The following TRAM2 variants were observed in gnomAD, a reference collection of about 807,000 sequenced individuals.
The protein encoded by TRAM2 is translocation associated membrane protein 2.
Under a neutral mutation model 51.0 loss-of-function variants are expected in TRAM2, and 12 were observed. The ratio of observed to expected loss-of-function variants is 0.24; its 90% CI spans 0.15 to 0.38. TRAM2 has a LOEUF of 0.38. TRAM2 is among the 10% of genes least tolerant of loss of function. The pLI is 1.00. For missense variants in TRAM2, 361 were observed against 462.0 expected (o/e 0.78, Z 2.00); for synonymous variants, 175 against 179.4 (o/e 0.98, Z 0.20).
intron 1 of TRAM2, among the ~76,000 whole-genome samples, chr6:52,559,337 C>T (rs76185313): frequency 6.6e-6 from 1 of 152,120 alleles, no homozygotes; most frequent in African/African-American, 2.4e-5. Context: ...TCATCTAGGG[C>T]GAGTGACTTG....
intron 10 of TRAM2, among the ~76,000 whole-genome samples, chr6:52,503,944 G>C (rs1300591868): frequency 2.0e-5 from 3 of 152,186 alleles, no homozygotes; most frequent in African/African-American, 7.2e-5. Flanking sequence ...ATAAGCCTTT[G>C]CCAAGCAGGT....
intron 2 of TRAM2, 96 bp downstream of exon 2, chr6:52,535,687 A>G (rs201574282): frequency 1.2e-3 from 413 of 356,412 alleles, no homozygotes; most frequent in Non-Finnish European, 1.5e-3. Flanking sequence ...GTCATGGGGG[A>G]AAAAAAAAAA....
At chr6:52,535,720 G>A in intron 2 of TRAM2, 63 bp downstream of exon 2, 1 of 1,459,742 alleles carries the variant, frequency 6.9e-7, no homozygotes, top group African/African-American at 1.4e-5. Context: ...TGGGGAAAAG[G>A]AAGCTTTCCA....
At position 52,570,799 on chromosome 6, in the gene TRAM2, C is replaced by T. The variant is rs76502357; in HGVS notation, c.120+5997G>A. 1.6e-4 allele frequency among the ~76,000 whole-genome samples: 19 copies of T among 117,584 alleles called. 1 individual carries two copies. The highest frequency in any genetic ancestry group is 5.6e-4 in the African/African-American group (18 of 32,080). 77.1% of individuals were successfully genotyped at this position (117,584 alleles called of 152,430 possible). ...CCCCAATCCTCCCTGCCCACCACCCCCCCCCCCACACGCACACACACTCTG... is the reference window on the plus strand; with the variant it reads ...CCCCAATCCTCCCTGCCCACCACCCTCCCCCCCACACGCACACACACTCTG... On this transcript the variant is annotated intron_variant, in intron 1 of 10. Coordinates refer to ENST00000182527, the MANE Select transcript of TRAM2 (RefSeq NM_012288.4).
At chr6:52,551,562 C>T (rs779059693) in intron 1 of TRAM2, among the ~76,000 whole-genome samples, 6 of 152,208 alleles carry the variant, frequency 3.9e-5, no homozygotes, top group Non-Finnish European at 8.8e-5. Context: ...AGTCTTTCTA[C>T]CTTTTCCTAC....
intron 8 of TRAM2, 56 bp downstream of exon 8, chr6:52,505,976 C>T (rs1171104442): frequency 6.9e-6 from 11 of 1,587,356 alleles, no homozygotes; most frequent in South Asian, 3.3e-5. Context: ...ATCCGGGCCT[C>T]GGGGGAACCC....
At chr6:52,560,726 C>T (rs1039161440) in intron 1 of TRAM2, among the ~76,000 whole-genome samples, 2 of 152,196 alleles carry the variant, frequency 1.3e-5, no homozygotes, top group South Asian at 2.1e-4. Flanking sequence ...TCAAATATAA[C>T]TCTCAATAAC....
chr6:52,544,065 C>T (rs1268075456), intron 1 of TRAM2, among the ~76,000 whole-genome samples: 2 of 152,274 alleles, frequency 1.3e-5, no homozygotes, highest in East Asian at 3.9e-4. Flanking sequence ...GAGCTAGGCA[C>T]GTGGATTAGA....
chr6:52,508,539 A>C (rs1766391678), intron 5 of TRAM2, among the ~76,000 whole-genome samples: 1 of 152,216 alleles, frequency 6.6e-6, no homozygotes, highest in African/African-American at 2.4e-5. Context: ...CTTAAAGGAC[A>C]CGGAAAGTCC....
Position 52,514,186 on chromosome 6 carries a change from C to T in TRAM2, c.411+1820G>A, listed in dbSNP as rs181679968. Among the ~76,000 whole-genome samples the T allele has an allele frequency of 7.9e-5, 12 of 151,728 alleles. No individual in the cohort carries two copies. In the South Asian group the frequency reaches 2.5e-3, roughly 32 times the overall value. On this transcript the variant is annotated intron_variant, in intron 4 of 10. Coordinates refer to ENST00000182527, the MANE Select transcript of TRAM2 (RefSeq NM_012288.4). ...GGGAGGCAGAGCTGGCAGGACCTGC[C>T]GATGAAATGACTGTGGAGAGTGAGA... is the stretch of plus-strand genomic sequence containing the variant.
At chr6:52,539,627 G>A (rs1767042447) in intron 1 of TRAM2, among the ~76,000 whole-genome samples, 1 of 152,040 alleles carries the variant, frequency 6.6e-6, no homozygotes, top group South Asian at 2.1e-4. Context: ...GGAAACATAA[G>A]CTGTAGGAGC....
chr6:52,508,420 G>C, intron 5 of TRAM2, 102 bp from the exon 6 acceptor site: 1 of 1,125,894 alleles, frequency 8.9e-7, no homozygotes, highest in South Asian at 1.4e-5. Flanking sequence ...GACTCTGCCT[G>C]TGAGGAGCTG....
intron 4 of TRAM2, among the ~76,000 whole-genome samples, chr6:52,514,813 G>A (rs927265092): frequency 6.6e-6 from 1 of 152,234 alleles, no homozygotes; most frequent in Admixed American, 6.5e-5. Flanking sequence ...TCAAGGGACT[G>A]GGTGTGGTCT....
chr6:52,527,172 G>A (rs946395426), intron 2 of TRAM2, among the ~76,000 whole-genome samples: 1 of 151,656 alleles, frequency 6.6e-6, no homozygotes, highest in Non-Finnish European at 1.5e-5. Flanking sequence ...TGAGGTCAGG[G>A]GTTCCAGACC....
intron 1 of TRAM2, among the ~76,000 whole-genome samples, chr6:52,551,622 T>A (rs1767311155): frequency 6.6e-6 from 1 of 152,244 alleles, no homozygotes; most frequent in South Asian, 2.1e-4. Flanking sequence ...CTGGCCCGTG[T>A]AAACACTCTG....
intron 5 of TRAM2, 70 bp from the exon 6 acceptor site, chr6:52,508,388 A>C (rs1766389163): frequency 6.9e-7 from 1 of 1,440,910 alleles, no homozygotes; most frequent in East Asian, 2.3e-5. Context: ...GGCCAAGCAC[A>C]GGAGGGAAAA....
chr6:52,509,679 T>C, intron 4 of TRAM2, 93 bp from the exon 5 acceptor site: 1 of 1,051,012 alleles, frequency 9.5e-7, no homozygotes, highest in Non-Finnish European at 1.4e-6. Flanking sequence ...ATGCATCCAG[T>C]CCCCACCTGA....
intron 2 of TRAM2, chr6:52,522,797 C>CAGCT: frequency 1.5e-6 from 1 of 653,118 alleles, no homozygotes. Context: ...CCTCTGTGAG[C>CAGCT]AGCTGTCCCT....
chr6:52,529,015 C>T (rs1413812787), intron 2 of TRAM2, among the ~76,000 whole-genome samples: 2 of 151,416 alleles, frequency 1.3e-5, no homozygotes, highest in African/African-American at 2.4e-5. Context: ...CTAAGCCTCC[C>T]GAGCAGCTGG....
Sources: allele counts gnomAD v4.1 joint callset (sites outside exome capture counted in the v4.1 genomes callset), GRCh38; gene constraint gnomAD v4.1.1; transcripts MANE v1.5; gene names NCBI Gene and HGNC (gene_info 2026-07-23, HGNC 2026-07-21).